DMXL1: variants seen among roughly 807,000 people sequenced by gnomAD.
DMXL1 encodes Dmx like 1.
Under a neutral mutation model 319.2 loss-of-function variants are expected in DMXL1, and 99 were observed. That is an observed-to-expected ratio of 0.31 (90% CI 0.26 to 0.37). The LOEUF is 0.37. Ranked by LOEUF, DMXL1 falls within the 10% of genes least tolerant of loss-of-function variation. DMXL1 has a pLI of 1.00. For missense variants in DMXL1, 3,745 were observed against 3,595.6 expected (o/e 1.04, Z -1.06); for synonymous variants, 1,385 against 1,235.2 (o/e 1.12, Z -2.54).
intron 1 of DMXL1, among the ~76,000 whole-genome samples, chr5:119,080,954 C>T (rs867089139): frequency 6.6e-5 from 10 of 152,222 alleles, no homozygotes; most frequent in Middle Eastern, 3.2e-3. Context: ...CTGGCTAACT[C>T]ATCCCTAAAG....
intron 19 of DMXL1, 84 bp downstream of exon 19, chr5:119,152,120 A>G: frequency 1.2e-6 from 1 of 824,046 alleles, no homozygotes; most frequent in Non-Finnish European, 1.9e-6. Context: ...GTTTTTACCC[A>G]AAAATGATAA....
chr5:119,188,553 T>C (rs957268448), intron 28 of DMXL1, among the ~76,000 whole-genome samples: 2 of 152,220 alleles, frequency 1.3e-5, no homozygotes, highest in East Asian at 3.8e-4. Flanking sequence ...CGTTTAAGTT[T>C]TAGAATGTGT....
At chr5:119,129,869 G>A (rs556321921) in intron 10 of DMXL1, among the ~76,000 whole-genome samples, 1 of 152,226 alleles carries the variant, frequency 6.6e-6, no homozygotes, top group Admixed American at 6.5e-5. Context: ...TTGGTATAGA[G>A]AGAGAGTTAG....
intron 7 of DMXL1, among the ~76,000 whole-genome samples, chr5:119,117,963 T>C (rs932753592): frequency 3.9e-5 from 6 of 152,254 alleles, no homozygotes; most frequent in African/African-American, 1.4e-4. Context: ...TGGAACAAGT[T>C]ACTACTACAA....
At position 119,121,223 on chromosome 5, in the gene DMXL1, T is replaced by G. The variant is rs552479832; in HGVS notation, c.1102+84T>G. 5.0e-6 allele frequency: 6 copies of G among 1,189,954 alleles called. No homozygotes were observed. The Admixed American group carries it at 1.7e-4, about 33-fold the overall frequency. 73.7% of individuals were successfully genotyped at this position (1,189,954 alleles called of 1,614,324 possible). A position where few individuals can be genotyped will look rare whatever the true frequency, so the allele number is the denominator to read the frequency against. Reference sequence around the variant, plus strand: ...CTAAGTTATACTTTTAGTTTTCAAATAAGTAAAATATTGGAGGTGACTGTC... The same window carrying G: ...CTAAGTTATACTTTTAGTTTTCAAAGAAGTAAAATATTGGAGGTGACTGTC... On this transcript the variant is annotated intron_variant, in intron 9 of 43. Coordinates refer to ENST00000539542, the MANE Select transcript of DMXL1 (RefSeq NM_001290321.3).
rs908639638 is a variant in DMXL1 at position 119,196,387 on chromosome 5, T to C, written c.7474T>C (p.Leu2492=). ...SNSYSWSLMR[L]AMVQLVLNNL... is the part of the protein sequence containing the mutation. Reference sequence around the variant, plus strand: ...TATTTTTAGTTGGTCCTTGATGCGGTTGGCGATGGTGCAATTGGTGCTCAA... The same window carrying C: ...TATTTTTAGTTGGTCCTTGATGCGGCTGGCGATGGTGCAATTGGTGCTCAA... The change falls in exon 31 of 44, where the codon TTG becomes CTG. Residue 2492 remains leucine (L), a synonymous_variant. Transcript: ENST00000539542. 5 of 1,613,814 alleles carry C rather than the reference T, an allele frequency of 3.1e-6. No individual in the cohort carries two copies. In the African/African-American group the frequency reaches 5.3e-5, roughly 17 times the overall value.
intron 23 of DMXL1, 48 bp from the exon 24 acceptor site, chr5:119,170,142 C>T (rs1774261455): frequency 6.6e-7 from 1 of 1,525,592 alleles, no homozygotes; most frequent in Non-Finnish European, 8.8e-7. Context: ...ACAATAGAAA[C>T]ACACAGTTCA....
chr5:119,164,468 T>G, intron 19 of DMXL1, 39 bp from the exon 20 acceptor site: 1 of 1,565,148 alleles, frequency 6.4e-7, no homozygotes, highest in Non-Finnish European at 8.7e-7. Flanking sequence ...ATAAGCATAT[T>G]TATAATTCTT....
chr5:119,206,088 A>G (rs1011001710), intron 33 of DMXL1, among the ~76,000 whole-genome samples: 1 of 152,064 alleles, frequency 6.6e-6, no homozygotes, highest in Non-Finnish European at 1.5e-5. Flanking sequence ...GGTAAAGTTT[A>G]CTGGTACCTG....
intron 7 of DMXL1, among the ~76,000 whole-genome samples, chr5:119,117,071 C>T (rs1761007139): frequency 6.6e-6 from 1 of 152,124 alleles, no homozygotes; most frequent in Admixed American, 6.6e-5. Context: ...CTTTGTCACC[C>T]AGACTGGAGT....
Position 119,216,981 on chromosome 5 carries a change from T to A in DMXL1, c.8007T>A (p.Val2669=). The stretch of plus-strand genomic sequence containing the variant: ...CTGATATCATTACTGCGTTTGCTGT[T>A]AATAAGGTAAGTACATAGACATTCT... The part of the protein sequence containing the change: ...KESDIITAFA[V]NKANRNCIAI... The change falls in exon 35 of 44, where the codon GTT becomes GTA. Residue 2669 remains valine (V), a synonymous_variant. Coordinates refer to ENST00000539542, the MANE Select transcript of DMXL1 (RefSeq NM_001290321.3). The A allele has an allele frequency of 6.4e-7, 1 of 1,560,386 alleles. No individual in the cohort carries two copies. The highest frequency in any genetic ancestry group is 2.3e-5 in the East Asian group (1 of 43,726).
At position 119,246,940 on chromosome 5, in the gene DMXL1, AT is replaced by A. The variant is rs1789908582; in HGVS notation, c.8923-52del. The A allele has an allele frequency of 3.6e-6, 5 of 1,383,482 alleles. No homozygotes were observed. In the African/African-American group the frequency reaches 7.2e-5, roughly 20 times the overall value. The allele number at this position is 1,383,482 out of a possible 1,614,324, so 85.7% of individuals were successfully genotyped here. On this transcript the variant is annotated intron_variant, in intron 43 of 43. Coordinates refer to ENST00000539542, the MANE Select transcript of DMXL1 (RefSeq NM_001290321.3). The stretch of plus-strand genomic sequence containing the variant: ...GAGCCACCGCACCTGGCCTCATTTG[AT>A]TTCTTAAGGTCATCATCAACCCTAA...
chr5:119,247,411 C>CTAAATG lies in DMXL1; in HGVS notation c.*196_*197insTGTAAA. ...GTCATTCAGAAGTAGATTACATTGC[C>CTAAATG]TAAAGTAGAATGTGTAAGTAATGCT... is the stretch of plus-strand genomic sequence containing the variant. On this transcript the variant is annotated 3_prime_UTR_variant, in exon 44 of 44. Coordinates refer to ENST00000539542, the MANE Select transcript of DMXL1 (RefSeq NM_001290321.3). 1 of 492,572 alleles carries CTAAATG rather than the reference C, an allele frequency of 2.0e-6. No individual in the cohort carries two copies. The highest frequency in any genetic ancestry group is 1.9e-5 in the African/African-American group (1 of 52,226). The allele number at this position is 492,572 out of a possible 1,614,324, so 30.5% of individuals were successfully genotyped here. A position where few individuals can be genotyped will look rare whatever the true frequency, so the allele number is the denominator to read the frequency against.
At chr5:119,147,017 A>C in intron 16 of DMXL1, 61 bp downstream of exon 16, 3 of 1,566,338 alleles carry the variant, frequency 1.9e-6, no homozygotes, top group Non-Finnish European at 2.6e-6. Context: ...AAATTACACA[A>C]AATTAGATAA....
chr5:119,150,090 A>T lies in DMXL1; in HGVS notation c.4263A>T (p.Ser1421=), dbSNP rs555071588. The T allele has an allele frequency of 1.1e-5, 17 of 1,613,644 alleles. No individual in the cohort carries two copies. In the South Asian group the frequency reaches 1.8e-4, roughly 17 times the overall value. Reference sequence around the variant, plus strand: ...CAGCAGATGATGATAGCTGTTACTCATCTTTGGAGAAATCTAGTAATGAGA... The same window carrying T: ...CAGCAGATGATGATAGCTGTTACTCTTCTTTGGAGAAATCTAGTAATGAGA... ...LLAADDDSCY[S]SLEKSSNEST... Residue 1421 remains serine, a synonymous_variant, in exon 18 of 44, where the codon TCA becomes TCT. Coordinates refer to ENST00000539542, the MANE Select transcript of DMXL1 (RefSeq NM_001290321.3).
intron 13 of DMXL1, chr5:119,138,948 G>A (rs539933304): frequency 6.6e-6 from 1 of 152,338 alleles, no homozygotes; most frequent in South Asian, 2.1e-4. Context: ...GCAAATTCAT[G>A]AAGTGTTCCA....
At chr5:119,167,479 C>A in intron 22 of DMXL1, 124 bp from the exon 23 acceptor site, 1 of 780,716 alleles carries the variant, frequency 1.3e-6, no homozygotes, top group Non-Finnish European at 2.0e-6. Context: ...TGTTTCTTAT[C>A]CTTCTTTGCT....
chr5:119,173,766 ATGTGTG>A (rs376741039), intron 25 of DMXL1, among the ~76,000 whole-genome samples: 16 of 76,570 alleles, frequency 2.1e-4, no homozygotes, highest in South Asian at 5.3e-4. Flanking sequence ...ATATATATAT[ATGTGTG>A]TGTGTATATA....
intron 2 of DMXL1, chr5:119,100,556 C>T (rs1026500005): frequency 6.6e-6 from 1 of 151,928 alleles, no homozygotes; most frequent in Non-Finnish European, 1.5e-5. Flanking sequence ...CCTCATTTAT[C>T]CTTTTATTCA....
Sources: allele counts gnomAD v4.1 joint callset (sites outside exome capture counted in the v4.1 genomes callset), GRCh38; gene constraint gnomAD v4.1.1; transcripts MANE v1.5; gene names NCBI Gene and HGNC (gene_info 2026-07-23, HGNC 2026-07-21).